The following CAMK4 variants were observed in gnomAD, a reference collection of about 807,000 sequenced individuals.
CAMK4 encodes the protein calcium/calmodulin dependent protein kinase IV.
In CAMK4, 22 loss-of-function variants were observed where a neutral mutation model predicts 44.9. The observed-to-expected ratio is 0.49, with a 90% CI of 0.35 to 0.70. CAMK4 has a LOEUF of 0.70. CAMK4 is among the 30% of genes least tolerant of loss of function. CAMK4 has a pLI of 0.01. For synonymous variants in CAMK4, 218 were observed against 215.4 expected, an observed-to-expected ratio of 1.01 and a Z score of -0.11; for missense variants, 498 against 586.8, an observed-to-expected ratio of 0.85 and a Z score of 1.56.
chr5:111,262,920 G>A (rs889629546), intron 1 of CAMK4, among the ~76,000 whole-genome samples: 4 of 152,178 alleles, frequency 2.6e-5, no homozygotes, highest in Non-Finnish European at 5.9e-5. Context: ...ACTTTGGTTT[G>A]ATTGGTTTGT....
chr5:111,264,519 G>A (rs558109422), intron 1 of CAMK4, among the ~76,000 whole-genome samples: 8 of 152,292 alleles, frequency 5.3e-5, no homozygotes, highest in Non-Finnish European at 8.8e-5. Flanking sequence ...CCTTTATTCA[G>A]TGTCGTTTGT....
At chr5:111,407,347 T>A (rs1449526473) in intron 5 of CAMK4, among the ~76,000 whole-genome samples, 2 of 136,768 alleles carry the variant, frequency 1.5e-5, no homozygotes, top group Non-Finnish European at 1.6e-5. Context: ...AGAGACTCCT[T>A]AAAAAAAAAA....
intron 1 of CAMK4, among the ~76,000 whole-genome samples, chr5:111,319,044 T>C (rs1748551097): frequency 6.6e-6 from 1 of 152,176 alleles, no homozygotes; most frequent in Non-Finnish European, 1.5e-5. Flanking sequence ...CAATTTATTT[T>C]AAATCTCCAA....
At chr5:111,404,567 T>G (rs974938612) in intron 5 of CAMK4, among the ~76,000 whole-genome samples, 1 of 152,218 alleles carries the variant, frequency 6.6e-6, no homozygotes, top group Non-Finnish European at 1.5e-5. Context: ...GATACATGAC[T>G]TAACTCTTGT....
At chr5:111,381,693 A>T (rs1751421662) in intron 4 of CAMK4, among the ~76,000 whole-genome samples, 2 of 152,172 alleles carry the variant, frequency 1.3e-5, no homozygotes, top group Admixed American at 1.3e-4. Context: ...GACACTCAAT[A>T]TTACCATCAC....
chr5:111,325,636 T>A (rs1445240890), intron 1 of CAMK4, among the ~76,000 whole-genome samples: 3 of 152,178 alleles, frequency 2.0e-5, no homozygotes, highest in Admixed American at 6.6e-5. Flanking sequence ...CTGGTGATGA[T>A]GAGCTTTTTT....
intron 1 of CAMK4, among the ~76,000 whole-genome samples, chr5:111,235,261 A>G (rs904039239): frequency 3.3e-5 from 5 of 152,116 alleles, no homozygotes; most frequent in African/African-American, 1.2e-4. Context: ...CTGGATTTTC[A>G]TATTTGCTGC....
At chr5:111,267,742 G>A (rs927946501) in intron 1 of CAMK4, among the ~76,000 whole-genome samples, 3 of 148,902 alleles carry the variant, frequency 2.0e-5, no homozygotes, top group Non-Finnish European at 3.0e-5. Context: ...TCTTCATTCT[G>A]AAGGACACAG....
At chr5:111,359,085 A>G (rs1269289838) in intron 2 of CAMK4, among the ~76,000 whole-genome samples, 1 of 152,160 alleles carries the variant, frequency 6.6e-6, no homozygotes, top group Admixed American at 6.5e-5. Flanking sequence ...TCCTTTGGAC[A>G]TATACCCAGT....
chr5:111,402,667 T>C (rs756654742), intron 5 of CAMK4, among the ~76,000 whole-genome samples: 1 of 152,346 alleles, frequency 6.6e-6, no homozygotes, highest in African/African-American at 2.4e-5. Flanking sequence ...GGCAAGGTCA[T>C]ATTACCTGAC....
At chr5:111,470,101 G>C (rs1004782267) in intron 7 of CAMK4, among the ~76,000 whole-genome samples, 1 of 152,186 alleles carries the variant, frequency 6.6e-6, no homozygotes, top group African/African-American at 2.4e-5. Context: ...ATCTCCTAGA[G>C]ACAAAAATAG....
At chr5:111,258,815 G>C (rs1749855618) in intron 1 of CAMK4, among the ~76,000 whole-genome samples, 1 of 149,868 alleles carries the variant, frequency 6.7e-6, no homozygotes, top group South Asian at 2.1e-4. Context: ...TGTGTTATAT[G>C]AACTTGTTTA....
At chr5:111,263,757 C>T (rs1750103799) in intron 1 of CAMK4, among the ~76,000 whole-genome samples, 1 of 152,126 alleles carries the variant, frequency 6.6e-6, no homozygotes, top group Admixed American at 6.5e-5. Context: ...CTCTCAAAAC[C>T]CCCAAAATAG....
chr5:111,284,979 T>C (rs971347477), intron 1 of CAMK4, among the ~76,000 whole-genome samples: 2 of 152,254 alleles, frequency 1.3e-5, no homozygotes, highest in African/African-American at 4.8e-5. Context: ...TATTGCTATG[T>C]CATATGCTAC....
chr5:111,403,330 A>G (rs1177837833), intron 5 of CAMK4, among the ~76,000 whole-genome samples: 1 of 152,230 alleles, frequency 6.6e-6, no homozygotes, highest in Non-Finnish European at 1.5e-5. Flanking sequence ...TCAAGTACGT[A>G]ATGAAAGGTT....
chr5:111,393,124 C>T (rs1000640503), intron 4 of CAMK4, among the ~76,000 whole-genome samples: 1 of 152,114 alleles, frequency 6.6e-6, no homozygotes, highest in African/African-American at 2.4e-5. Context: ...AAATTTTTAG[C>T]TAACAAAGAA....
At chr5:111,335,843 G>C (rs1442295880) in intron 1 of CAMK4, among the ~76,000 whole-genome samples, 1 of 151,244 alleles carries the variant, frequency 6.6e-6, no homozygotes, top group Non-Finnish European at 1.5e-5. Context: ...TAGTATTTCA[G>C]TTATAATGTA....
chr5:111,364,791 T>C (rs1414075774), intron 2 of CAMK4, among the ~76,000 whole-genome samples: 1 of 152,074 alleles, frequency 6.6e-6, no homozygotes, highest in Non-Finnish European at 1.5e-5. Flanking sequence ...TATAAAATAT[T>C]GGGTTTTACA....
chr5:111,251,448 T>C (rs910454848), intron 1 of CAMK4, among the ~76,000 whole-genome samples: 1 of 152,152 alleles, frequency 6.6e-6, no homozygotes, highest in Non-Finnish European at 1.5e-5. Flanking sequence ...CTAAAAAAAC[T>C]CCAAGACAGT....
Sources: allele counts gnomAD v4.1 joint callset (sites outside exome capture counted in the v4.1 genomes callset), GRCh38; gene constraint gnomAD v4.1.1; transcripts MANE v1.5; gene names NCBI Gene and HGNC (gene_info 2026-07-23, HGNC 2026-07-21).